Variants in UGGT2 observed in about 807,000 individuals in gnomAD.
UGGT2 encodes UDP-glucose:glycoprotein glucosyltransferase 2.
In UGGT2, 180 loss-of-function variants were observed where a neutral mutation model predicts 192.1. The observed-to-expected ratio is 0.94, with a 90% confidence interval of 0.83 to 1.06. The LOEUF is 1.06. Ranked by LOEUF, UGGT2 falls within the 50% of genes least tolerant of loss-of-function variation. The pLI, the probability that UGGT2 is intolerant of heterozygous loss-of-function variation, is 0.00. For synonymous variants in UGGT2, 580 were observed against 591.0 expected (o/e 0.98, Z 0.27); for missense variants, 1,849 against 1,795.7 (o/e 1.03, Z -0.54).
chr13:95,839,144 G>GAC (rs373051598), intron 36 of UGGT2, among the ~76,000 whole-genome samples: 10 of 151,232 alleles, frequency 6.6e-5, no homozygotes, highest in Non-Finnish European at 1.5e-4. Flanking sequence ...ATGAGTACAG[G>GAC]ACACACACAC....
chr13:95,830,702 T>C (rs1886570367), intron 38 of UGGT2, among the ~76,000 whole-genome samples: 1 of 152,192 alleles, frequency 6.6e-6, no homozygotes, highest in Admixed American at 6.5e-5. Context: ...AGTTCAACCA[T>C]TGTGGAAGTC....
intron 2 of UGGT2, 132 bp from the exon 3 acceptor site, chr13:96,023,891 A>C: frequency 1.5e-6 from 1 of 679,110 alleles, no homozygotes; most frequent in Non-Finnish European, 2.1e-6. Flanking sequence ...TGCTAGAGAA[A>C]AATGGAAAAA....
intron 17 of UGGT2, among the ~76,000 whole-genome samples, chr13:95,934,285 TG>T (rs2049387825): frequency 6.6e-6 from 1 of 152,252 alleles, no homozygotes; most frequent in African/African-American, 2.4e-5. Flanking sequence ...TGGCCAAGCA[TG>T]TGCTTGATCT....
At chr13:95,867,993 A>C (rs1227125041) in intron 29 of UGGT2, among the ~76,000 whole-genome samples, 1 of 152,166 alleles carries the variant, frequency 6.6e-6, no homozygotes, top group Non-Finnish European at 1.5e-5. Flanking sequence ...AAAATTGCTT[A>C]AACAAATATG....
At chr13:95,890,412 T>C (rs1178397296) in intron 25 of UGGT2, among the ~76,000 whole-genome samples, 4 of 152,160 alleles carry the variant, frequency 2.6e-5, no homozygotes, top group African/African-American at 7.2e-5. Flanking sequence ...GCTCTCTTTC[T>C]AGTTTGCACG....
intron 12 of UGGT2, among the ~76,000 whole-genome samples, chr13:95,966,238 C>T (rs192336846): frequency 6.6e-6 from 1 of 152,220 alleles, no homozygotes; most frequent in Admixed American, 6.5e-5. Context: ...ATGTCATTTG[C>T]AGCAACATGG....
intron 36 of UGGT2, among the ~76,000 whole-genome samples, chr13:95,844,260 C>T (rs1378759132): frequency 1.3e-5 from 2 of 152,170 alleles, no homozygotes; most frequent in African/African-American, 4.8e-5. Context: ...CCACGCCTGG[C>T]CTGTTTTGGC....
intron 1 of UGGT2, among the ~76,000 whole-genome samples, chr13:96,035,679 G>C (rs569757713): frequency 6.7e-6 from 1 of 150,080 alleles, no homozygotes; most frequent in African/African-American, 2.4e-5. Context: ...GGTCTAACAT[G>C]CAAAGTCTAT....
chr13:95,870,324 G>A lies in UGGT2; in HGVS notation c.3474-2901C>T, dbSNP rs545120332. On this transcript the variant is annotated intron_variant, in intron 29 of 38. Coordinates refer to ENST00000376747, the MANE Select transcript of UGGT2 (RefSeq NM_020121.4). ...GTTGTTGTTGTTACTCAACTCTTTT[G>A]CAGCTAAGGTTTTGGTTGATAATTA... is the stretch of plus-strand genomic sequence containing the variant. 4.6e-5 allele frequency among the ~76,000 whole-genome samples: 7 copies of A among 152,246 alleles called. No homozygotes were observed. In the South Asian group the frequency reaches 1.5e-3, roughly 32 times the overall value.
intron 16 of UGGT2, among the ~76,000 whole-genome samples, chr13:95,937,902 TAA>T (rs1273984660): frequency 6.6e-6 from 1 of 152,228 alleles, no homozygotes; most frequent in Non-Finnish European, 1.5e-5. Flanking sequence ...ATTCTTATCT[TAA>T]ATTTTAGCTC....
intron 20 of UGGT2, among the ~76,000 whole-genome samples, chr13:95,912,654 A>T (rs9590344): frequency 1.4e-4 from 22 of 152,190 alleles, no homozygotes; most frequent in Non-Finnish European, 2.5e-4. Flanking sequence ...TGAAAATGGC[A>T]GCACTGCCCA....
At chr13:96,006,273 G>C (rs1019643109) in intron 5 of UGGT2, among the ~76,000 whole-genome samples, 4 of 152,128 alleles carry the variant, frequency 2.6e-5, no homozygotes, top group African/African-American at 9.7e-5. Flanking sequence ...TAAAAGCACT[G>C]TAACAGAAAT....
At chr13:95,862,469 T>C (rs1890249763) in intron 31 of UGGT2, among the ~76,000 whole-genome samples, 1 of 152,172 alleles carries the variant, frequency 6.6e-6, no homozygotes, top group Non-Finnish European at 1.5e-5. Flanking sequence ...GTTCCCCTTC[T>C]AGTAACAACC....
chr13:95,985,225 A>G, intron 9 of UGGT2: 1 of 1,129,940 alleles, frequency 8.9e-7, no homozygotes, highest in African/African-American at 1.6e-5. Context: ...AACAGATATG[A>G]CATTTATACA....
At chr13:95,869,350 G>A (rs569972349) in intron 29 of UGGT2, among the ~76,000 whole-genome samples, 4 of 152,138 alleles carry the variant, frequency 2.6e-5, no homozygotes, top group East Asian at 3.9e-4. Context: ...ATAAACATAC[G>A]TGTGCATGTG....
chr13:95,962,566 C>A (rs1566762197), intron 12 of UGGT2, among the ~76,000 whole-genome samples: 2 of 152,066 alleles, frequency 1.3e-5, no homozygotes. Flanking sequence ...AGTCTCCCAA[C>A]AAAGAAGAGT....
chr13:95,906,167 T>A (rs560106902), intron 20 of UGGT2, among the ~76,000 whole-genome samples: 5 of 152,210 alleles, frequency 3.3e-5, no homozygotes, highest in Admixed American at 6.5e-5. Flanking sequence ...AGTTTTTGAA[T>A]CTGCTTGACA....
chr13:95,922,047 T>C (rs373747475), intron 20 of UGGT2, among the ~76,000 whole-genome samples: 1 of 152,184 alleles, frequency 6.6e-6, no homozygotes, highest in East Asian at 1.9e-4. Context: ...AATGGTGGAC[T>C]GAATAAAGAA....
rs554269551 is a variant in UGGT2 at position 96,028,201 on chromosome 13, C to T, written c.241+3688G>A. On this transcript the variant is annotated intron_variant, in intron 2 of 38. Transcript: ENST00000376747. ...ATCTCTCACTCATATATCAGCTTAC[C>T]GATATATTTATATTTGGATATTTCA... 7.3e-4 allele frequency among the ~76,000 whole-genome samples: 111 copies of T among 152,228 alleles called. 2 individuals carry two copies. The highest frequency in any genetic ancestry group is 1.5e-3 in the Admixed American group (23 of 15,290).
Sources: allele counts gnomAD v4.1 joint callset (sites outside exome capture counted in the v4.1 genomes callset), GRCh38; gene constraint gnomAD v4.1.1; transcripts MANE v1.5; gene names NCBI Gene and HGNC (gene_info 2026-07-23, HGNC 2026-07-21).